The following SPECC1 variants were observed in gnomAD, a reference collection of about 807,000 sequenced individuals.
SPECC1 encodes the protein sperm antigen with calponin homology and coiled-coil domains 1.
A neutral mutation model predicts 104.1 loss-of-function variants in SPECC1; 62 were observed. That is an observed-to-expected ratio of 0.60 (90% confidence interval 0.49 to 0.74). The LOEUF (loss-of-function observed/expected upper bound fraction) is 0.74, where lower values mean the gene tolerates loss of function less well. Among genes scored for constraint, SPECC1 ranks in the 30% least tolerant of loss-of-function variants. The pLI is 0.00. For synonymous variants in SPECC1, 513 were observed against 501.6 expected (o/e 1.02, Z -0.30); for missense variants, 1,306 against 1,310.5 (o/e 1.00, Z 0.05).
intron 3 of SPECC1, among the ~76,000 whole-genome samples, chr17:20,119,246 T>A (rs189166490): frequency 8.3e-4 from 127 of 152,356 alleles, no homozygotes; most frequent in African/African-American, 3.0e-3. Flanking sequence ...TTTTTTTAAA[T>A]TTATTTTATT....
chr17:20,239,686 G>A (rs960609622), intron 7 of SPECC1, among the ~76,000 whole-genome samples: 2 of 151,822 alleles, frequency 1.3e-5, no homozygotes, highest in Admixed American at 6.6e-5. Flanking sequence ...TACTATTGCT[G>A]CTCTAAAGTA....
chr17:20,134,562 A>T (rs1444194616), intron 3 of SPECC1, among the ~76,000 whole-genome samples: 3 of 152,168 alleles, frequency 2.0e-5, no homozygotes, highest in Non-Finnish European at 4.4e-5. Context: ...CATTATCAGA[A>T]AGCAAGATTT....
intron 3 of SPECC1, among the ~76,000 whole-genome samples, chr17:20,178,260 T>C (rs2034613290): frequency 6.6e-6 from 1 of 152,202 alleles, no homozygotes; most frequent in Non-Finnish European, 1.5e-5. Context: ...GCAGGAGTGC[T>C]TCTCCTCTGT....
intron 4 of SPECC1, among the ~76,000 whole-genome samples, chr17:20,221,450 A>G (rs891683808): frequency 6.6e-6 from 1 of 152,170 alleles, no homozygotes; most frequent in Non-Finnish European, 1.5e-5. Flanking sequence ...ATTGGCATAT[A>G]GTTGCTCATA....
rs1270303760 is a variant in SPECC1, at chr17:20,316,939, G to A, written c.*2874G>A. On this transcript the variant is annotated 3_prime_UTR_variant, in exon 15 of 15. Transcript: ENST00000395527. The stretch of plus-strand genomic sequence containing the variant: ...GGAGCCCAAGTTGCCAATGACTGTG[G>A]CCAAACTCCCCCATTTTTGTCTGTA... 1.4e-5 allele frequency: 3 copies of A among 216,528 alleles called. No individual in the cohort carries two copies. The highest frequency in any genetic ancestry group is 2.8e-5 in the Non-Finnish European group (3 of 107,574). The allele number at this position is 216,528 out of a possible 1,614,324, so 13.4% of individuals were successfully genotyped here.
chr17:20,274,992 A>T (rs2040529949), intron 12 of SPECC1, among the ~76,000 whole-genome samples: 1 of 150,568 alleles, frequency 6.6e-6, no homozygotes, highest in Non-Finnish European at 1.5e-5. Context: ...TTTGTGATAA[A>T]TACTCTATCA....
intron 3 of SPECC1, among the ~76,000 whole-genome samples, chr17:20,196,204 T>C (rs1227605348): frequency 1.3e-5 from 2 of 152,244 alleles, no homozygotes; most frequent in African/African-American, 4.8e-5. Context: ...TATTCTACTT[T>C]CCTTACACAC....
intron 7 of SPECC1, among the ~76,000 whole-genome samples, chr17:20,240,361 G>A (rs951208899): frequency 2.0e-5 from 3 of 151,544 alleles, no homozygotes; most frequent in East Asian, 1.9e-4. Context: ...TTAGGGATAC[G>A]GTTGTATCCC....
chr17:20,073,887 G>A (rs1319095678), intron 1 of SPECC1, among the ~76,000 whole-genome samples: 4 of 152,136 alleles, frequency 2.6e-5, no homozygotes, highest in Non-Finnish European at 5.9e-5. Flanking sequence ...GCATGATTTT[G>A]GGGGGCTGAA....
At chr17:20,223,672 CA>C (rs761885154) in intron 4 of SPECC1, among the ~76,000 whole-genome samples, 1,598 of 131,040 alleles carry the variant, frequency 0.012, 26 homozygotes, top group Admixed American at 0.053. Flanking sequence ...GACTTTGTCT[CA>C]AAAAAAAAAA....
intron 9 of SPECC1, 64 bp from the exon 10 acceptor site, chr17:20,253,439 CAT>C: frequency 3.4e-6 from 5 of 1,490,520 alleles, no homozygotes; most frequent in Middle Eastern, 1.9e-4. Context: ...CACACACACA[CAT>C]CTGTGTTTGT....
chr17:20,039,858 A>G (rs1212374278), intron 1 of SPECC1, among the ~76,000 whole-genome samples: 3 of 152,300 alleles, frequency 2.0e-5, no homozygotes, highest in East Asian at 1.9e-4. Context: ...CACTCAGCCC[A>G]AAGCAGGTTT....
intron 3 of SPECC1, chr17:20,112,062 G>T (rs2048522032): frequency 1.3e-6 from 1 of 767,298 alleles, no homozygotes. Context: ...TAAACCACCT[G>T]AGGGATTGTC....
At chr17:20,250,187 C>A (rs2039568695) in intron 9 of SPECC1, among the ~76,000 whole-genome samples, 1 of 152,302 alleles carries the variant, frequency 6.6e-6, no homozygotes, top group East Asian at 1.9e-4. Context: ...TCCTTTACCT[C>A]ATGAAAATAT....
chr17:20,072,602 G>A (rs1007291719), intron 1 of SPECC1, among the ~76,000 whole-genome samples: 12 of 152,246 alleles, frequency 7.9e-5, no homozygotes, highest in African/African-American at 2.9e-4. Flanking sequence ...GGCCAGGCCG[G>A]CTCTGAACTC....
At chr17:20,224,475 T>C (rs893645068) in intron 4 of SPECC1, among the ~76,000 whole-genome samples, 3 of 152,192 alleles carry the variant, frequency 2.0e-5, no homozygotes, top group Admixed American at 2.0e-4. Context: ...GAAATGCTAC[T>C]TGGGAGCTGG....
intron 3 of SPECC1, among the ~76,000 whole-genome samples, chr17:20,118,324 G>A (rs916366928): frequency 2.6e-5 from 4 of 152,044 alleles, no homozygotes; most frequent in African/African-American, 9.7e-5. Flanking sequence ...AGCACTTAAC[G>A]GTTACTGATA....
intron 7 of SPECC1, among the ~76,000 whole-genome samples, chr17:20,245,605 A>G (rs1478364281): frequency 6.6e-6 from 1 of 152,140 alleles, no homozygotes; most frequent in Non-Finnish European, 1.5e-5. Context: ...GGTCAATAAC[A>G]TTTGCATTTT....
intron 3 of SPECC1, among the ~76,000 whole-genome samples, chr17:20,160,323 C>T (rs1323295754): frequency 6.6e-6 from 1 of 152,112 alleles, no homozygotes; most frequent in African/African-American, 2.4e-5. Flanking sequence ...TGCCCTGAAT[C>T]TGCCAGCAGT....
Sources: gnomAD v4.1 joint callset for allele counts (sites outside exome capture counted in the v4.1 genomes callset) on GRCh38, gnomAD v4.1.1 for gene constraint, MANE v1.5 for transcripts, NCBI Gene and HGNC (gene_info 2026-07-23, HGNC 2026-07-21) for gene names.